The following CD1B variants were observed in gnomAD, a reference collection of about 807,000 sequenced individuals.
CD1B encodes T-cell surface glycoprotein CD1b.
Under a neutral mutation model 39.8 loss-of-function variants are expected in CD1B, and 43 were observed. The observed-to-expected ratio is 1.08, with a 90% CI of 0.85 to 1.39. CD1B has a LOEUF of 1.39. Ranked by LOEUF, CD1B falls within the 40% of genes most tolerant of loss-of-function variation. CD1B has a pLI of 0.00. For missense variants in CD1B, 495 were observed against 403.8 expected (o/e 1.23, Z -1.94); for synonymous variants, 192 against 152.5 (o/e 1.26, Z -1.91).
chr1:158,285,703 A>G, the CD1B span, among the ~76,000 whole-genome samples: 5,549 of 152,190 alleles, frequency 0.036, 326 homozygotes, highest in African/African-American at 0.12. Flanking sequence ...TACAGTGGGG[A>G]ATTAGTGCTT....
the CD1B span, among the ~76,000 whole-genome samples, chr1:158,309,414 T>A: frequency 6.6e-6 from 1 of 152,092 alleles, no homozygotes; most frequent in African/African-American, 2.4e-5. Context: ...ATTGTGGAGG[T>A]CAGTGTGGCG....
At chr1:158,292,958 AG>A in the CD1B span, 1 of 1,352,690 alleles carries the variant, frequency 7.4e-7, no homozygotes, top group Non-Finnish European at 1.0e-6. Flanking sequence ...TAGCAGACCT[AG>A]GTGAGGGATT....
intron 4 of CD1B, 150 bp from the exon 5 acceptor site, chr1:158,329,164 C>A (rs754727442): frequency 6.5e-6 from 6 of 926,778 alleles, no homozygotes; most frequent in Non-Finnish European, 9.7e-6. Context: ...CTTTGATCCC[C>A]TCTACCCAGT....
chr1:158,301,149 T>G, the CD1B span, among the ~76,000 whole-genome samples: 3 of 151,848 alleles, frequency 2.0e-5, no homozygotes, highest in African/African-American at 4.8e-5. Context: ...CTTGGTAGAG[T>G]GTCCTCCATC....
At chr1:158,320,438 C>T in the CD1B span, among the ~76,000 whole-genome samples, 2 of 152,286 alleles carry the variant, frequency 1.3e-5, no homozygotes, top group Non-Finnish European at 2.9e-5. Context: ...CCGTCCGTCA[C>T]CCCTTTCTTT....
the CD1B span, among the ~76,000 whole-genome samples, chr1:158,311,910 A>G: frequency 6.6e-6 from 1 of 152,166 alleles, no homozygotes; most frequent in Non-Finnish European, 1.5e-5. Context: ...TTTGTAGTAT[A>G]TTTTGAAATC....
At chr1:158,295,381 A>C in the CD1B span, among the ~76,000 whole-genome samples, 3 of 152,116 alleles carry the variant, frequency 2.0e-5, no homozygotes, top group Non-Finnish European at 4.4e-5. Context: ...TTAAATAGGC[A>C]TGAAGTGGCC....
At chr1:158,301,852 T>C in the CD1B span, among the ~76,000 whole-genome samples, 1 of 152,228 alleles carries the variant, frequency 6.6e-6, no homozygotes, top group East Asian at 1.9e-4. Flanking sequence ...GTTGGGGATG[T>C]TCTCCTGGAT....
chr1:158,300,987 T>C, the CD1B span, among the ~76,000 whole-genome samples: 1 of 152,024 alleles, frequency 6.6e-6, no homozygotes, highest in Non-Finnish European at 1.5e-5. Flanking sequence ...CTCAATTGCC[T>C]GACTTCATGA....
chr1:158,314,493 C>T, the CD1B span, among the ~76,000 whole-genome samples: 1 of 152,028 alleles, frequency 6.6e-6, no homozygotes, highest in Admixed American at 6.6e-5. Flanking sequence ...TTCTCTTCTA[C>T]TAGTTTTGGC....
chr1:158,327,946 A>T (rs1041834162), downstream of CD1B: 1 of 290,808 alleles, frequency 3.4e-6, no homozygotes, highest in Non-Finnish European at 6.3e-6. Flanking sequence ...AAAGGGAGTC[A>T]CCATTAAGTC....
chr1:158,302,950 T>G, the CD1B span, among the ~76,000 whole-genome samples: 1 of 152,154 alleles, frequency 6.6e-6, no homozygotes, highest in Non-Finnish European at 1.5e-5. Context: ...AGTATCATTG[T>G]GATACCAAAA....
the CD1B span, chr1:158,291,105 T>C: frequency 2.5e-6 from 4 of 1,596,588 alleles, no homozygotes; most frequent in South Asian, 4.5e-5. Context: ...TTTTTTTCCT[T>C]ACACTACTTG....
chr1:158,330,757 G>T (rs368150622), intron 2 of CD1B, 39 bp downstream of exon 2: 41 of 1,603,386 alleles, frequency 2.6e-5, no homozygotes, highest in Non-Finnish European at 2.9e-5. Flanking sequence ...AGAAAAGAGA[G>T]TCCTTGAGAC....
chr1:158,303,718 A>G, the CD1B span, among the ~76,000 whole-genome samples: 15 of 152,316 alleles, frequency 9.8e-5, no homozygotes, highest in African/African-American at 3.4e-4. Context: ...CTAACCAAGA[A>G]AGTGAAAGAT....
At chr1:158,322,219 A>C in the CD1B span, among the ~76,000 whole-genome samples, 1 of 152,086 alleles carries the variant, frequency 6.6e-6, no homozygotes, top group Non-Finnish European at 1.5e-5. Flanking sequence ...AGATATCCCA[A>C]ATTTATCTGT....
At chr1:158,306,792 A>G in the CD1B span, among the ~76,000 whole-genome samples, 1 of 152,232 alleles carries the variant, frequency 6.6e-6, no homozygotes, top group Admixed American at 6.5e-5. Flanking sequence ...AAAGCCGCTC[A>G]ACTACATGGA....
intron 2 of CD1B, 95 bp downstream of exon 2, chr1:158,330,697 TAGAA>T (rs555592029): frequency 4.3e-5 from 53 of 1,221,530 alleles, no homozygotes; most frequent in Admixed American, 4.0e-4. Flanking sequence ...TTGGGTAAAA[TAGAA>T]AGGAAGGGAG....
the CD1B span, chr1:158,293,160 G>C: frequency 7.5e-7 from 1 of 1,335,132 alleles, no homozygotes; most frequent in Non-Finnish European, 1.1e-6. Flanking sequence ...AGATGGAATA[G>C]AATCAGCAGT....
Sources: allele counts gnomAD v4.1 joint callset (sites outside exome capture counted in the v4.1 genomes callset), GRCh38; gene constraint gnomAD v4.1.1; transcripts MANE v1.5; gene names NCBI Gene and HGNC (gene_info 2026-07-23, HGNC 2026-07-21).